The following SI variants were observed in gnomAD, a reference collection of about 807,000 sequenced individuals.
SI encodes sucrase-isomaltase, also known as sucrase-isomaltase, intestinal.
SI carries 235 observed loss-of-function variants against 253.3 expected under a neutral mutation model. That is an observed-to-expected ratio of 0.93 (90% CI 0.83 to 1.03). The LOEUF (loss-of-function observed/expected upper bound fraction) is 1.03, where lower values mean the gene tolerates loss of function less well. Among genes scored for constraint, SI ranks in the 50% least tolerant of loss-of-function variants. The probability of loss-of-function intolerance (pLI) is 0.00; values close to 1 mark genes in which losing one functional copy is unlikely to be tolerated. For missense variants in SI, 2,442 were observed against 2,211.1 expected (o/e 1.10, Z -2.09); for synonymous variants, 819 against 712.0 (o/e 1.15, Z -2.39).
intron 3 of SI, among the ~76,000 whole-genome samples, chr3:165,072,041 A>G (rs1421820030): frequency 1.3e-5 from 2 of 152,104 alleles, no homozygotes; most frequent in African/African-American, 4.8e-5. Flanking sequence ...CTAATATACA[A>G]TAAACATGCC....
In SI at chr3:165,059,056, A is replaced by G. The variant is rs748055276; in HGVS notation, c.1305T>C (p.Arg435=). 19 of 1,612,528 alleles carry G rather than the reference A, an allele frequency of 1.2e-5. No individual in the cohort carries two copies. Among genetic ancestry groups the G allele is most frequent in the Middle Eastern group, 3.3e-4 (2 of 6,056 alleles). ...AGGTTGCATATGTTGTTCCATTGGC[A>G]CGTCGACCTATGGAAATTGCAGGGT... ...ILDPAISIGR[R]ANGTTYATYE... is the part of the protein sequence containing the mutation. The change falls in exon 12 of 48, where the codon CGT becomes CGC. Residue 435 remains arginine (R), a synonymous_variant. Coordinates refer to ENST00000264382, the MANE Select transcript of SI (RefSeq NM_001041.4).
chr3:165,038,473 G>C (rs1182285734), intron 20 of SI, among the ~76,000 whole-genome samples: 1 of 151,302 alleles, frequency 6.6e-6, no homozygotes, highest in Non-Finnish European at 1.5e-5. Flanking sequence ...ACTTTGGGAG[G>C]CCATGGCGGG....
At chr3:165,030,649 A>C (rs1712178336) in intron 25 of SI, 63 bp downstream of exon 25, 2 of 1,521,974 alleles carry the variant, frequency 1.3e-6, no homozygotes, top group African/African-American at 2.8e-5. Context: ...ATAATATGTA[A>C]AATTTGCACC....
intron 41 of SI, 116 bp from the exon 42 acceptor site, chr3:164,992,513 A>T: frequency 1.4e-6 from 1 of 720,794 alleles, no homozygotes; most frequent in Non-Finnish European, 2.3e-6. Flanking sequence ...TAAAATAAAA[A>T]CAAAACTGTA....
chr3:164,979,540 C>G (rs375259424), intron 47 of SI, 110 bp from the exon 48 acceptor site: 6 of 593,030 alleles, frequency 1.0e-5, no homozygotes, highest in African/African-American at 5.6e-5. Context: ...CCTTTATTTT[C>G]TTTTATATCT....
At chr3:165,077,342 A>G (rs1449147470) in intron 1 of SI, among the ~76,000 whole-genome samples, 1 of 151,714 alleles carries the variant, frequency 6.6e-6, no homozygotes, top group Non-Finnish European at 1.5e-5. Context: ...TTACCATAGC[A>G]TATTAAATGT....
chr3:164,989,408 GA>G (rs1717614465), intron 44 of SI, among the ~76,000 whole-genome samples: 2 of 141,128 alleles, frequency 1.4e-5, no homozygotes, highest in African/African-American at 2.6e-5. Flanking sequence ...AAGAAAGAAA[GA>G]AAGAAAGAAA....
upstream of SI, among the ~76,000 whole-genome samples, chr3:165,081,694 GA>G (rs1388388600): frequency 6.6e-6 from 1 of 151,878 alleles, no homozygotes; most frequent in African/African-American, 2.4e-5. Flanking sequence ...AAACTAGAAA[GA>G]AAACAGCCAC....
At chr3:165,086,518 G>C in the SI span, among the ~76,000 whole-genome samples, 9 of 152,212 alleles carry the variant, frequency 5.9e-5, no homozygotes, top group East Asian at 1.2e-3. Context: ...TTGGCAACAG[G>C]ATTTTTCAAA....
At chr3:165,042,851 C>A (rs1294588376) in intron 17 of SI, among the ~76,000 whole-genome samples, 1 of 152,012 alleles carries the variant, frequency 6.6e-6, no homozygotes, top group Admixed American at 6.6e-5. Context: ...GAATACATTG[C>A]ATTTCATGAT....
chr3:165,027,713 G>T, intron 25 of SI, among the ~76,000 whole-genome samples: 1 of 151,020 alleles, frequency 6.6e-6, no homozygotes, highest in Non-Finnish European at 1.5e-5. Flanking sequence ...CAAAAATCAC[G>T]GGATCATCTC....
intron 44 of SI, among the ~76,000 whole-genome samples, chr3:164,990,716 G>C (rs957146072): frequency 6.6e-6 from 1 of 152,100 alleles, no homozygotes; most frequent in African/African-American, 2.4e-5. Context: ...ATGGACACAG[G>C]AAGGGGAACA....
At chr3:164,991,235 G>A in intron 44 of SI, 118 bp downstream of exon 44, 1 of 1,085,506 alleles carries the variant, frequency 9.2e-7, no homozygotes, top group South Asian at 1.3e-5. Context: ...ATGTTACTGA[G>A]GCAGGCTAAT....
intron 20 of SI, among the ~76,000 whole-genome samples, 153 bp from the exon 21 acceptor site, chr3:165,038,177 TC>T (rs1405197188): frequency 9.9e-5 from 15 of 152,052 alleles, no homozygotes; most frequent in African/African-American, 3.4e-4. Flanking sequence ...ATTTTTTTTT[TC>T]AGTTTGCTGA....
chr3:164,987,092 T>C (rs1422836568), intron 45 of SI, 46 bp downstream of exon 45: 2 of 1,344,948 alleles, frequency 1.5e-6, no homozygotes, highest in Non-Finnish European at 2.1e-6. Flanking sequence ...AGTAATGTGA[T>C]AGAATACGAC....
Position 165,049,175 on chromosome 3 carries a change from T to C in SI, c.1667A>G (p.Tyr556Cys), listed in dbSNP as rs1368010717. Residue 556 changes from tyrosine to cysteine, a missense_variant, in exon 15 of 48, where the codon TAT becomes TGT. Tyr to Cys is a radical substitution (Grantham distance 194, BLOSUM62 -2). Transcript: ENST00000264382. ...GTATCCATAGAGGCTATGAACATCATACTGTTTACCCCAGTTCTGCACAGC... is the reference window on the plus strand; with the variant it reads ...GTATCCATAGAGGCTATGAACATCACACTGTTTACCCCAGTTCTGCACAGC... ...MDAVQNWGKQ[Y>C]DVHSLYGYSM... The C allele has an allele frequency of 7.4e-6, 12 of 1,612,352 alleles. No individual in the cohort carries two copies. Among genetic ancestry groups the C allele is most frequent in the Non-Finnish European group, 1.0e-5 (12 of 1,178,688 alleles).
At chr3:165,083,475 A>G (rs1212418276), upstream of SI, among the ~76,000 whole-genome samples, 1 of 152,004 alleles carries the variant, frequency 6.6e-6, no homozygotes, top group East Asian at 1.9e-4. Flanking sequence ...ATAAGATTCC[A>G]TGACAACTTT....
intron 11 of SI, 27 bp downstream of exon 11, chr3:165,059,141 A>G (rs767761098): frequency 6.2e-6 from 10 of 1,611,870 alleles, no homozygotes; most frequent in Non-Finnish European, 8.5e-6. Flanking sequence ...AACACTAAAA[A>G]TGTATTAAGG....
rs1219615807 is a variant in SI, at chr3:165,059,447, T to C, written c.1147-148A>G. The stretch of plus-strand genomic sequence containing the variant: ...CCTTTTCATTTCACTAAAGAAGCAA[T>C]TGTACTGTTTGTAAACTGGTTTTTC... On this transcript the variant is annotated intron_variant, in intron 10 of 47. Coordinates refer to ENST00000264382, the MANE Select transcript of SI (RefSeq NM_001041.4). 1.0e-5 allele frequency: 8 copies of C among 775,414 alleles called. No homozygotes were observed. In the Admixed American group the frequency reaches 1.7e-4, roughly 17 times the overall value. 48.0% of individuals were successfully genotyped at this position (775,414 alleles called of 1,614,324 possible).
Sources: gnomAD v4.1 joint callset for allele counts (sites outside exome capture counted in the v4.1 genomes callset) on GRCh38, gnomAD v4.1.1 for gene constraint, MANE v1.5 for transcripts, NCBI Gene and HGNC (gene_info 2026-07-23, HGNC 2026-07-21) for gene names.